FGGY: variants seen among roughly 807,000 people sequenced by gnomAD.
FGGY encodes the protein FGGY carbohydrate kinase domain-containing protein.
A neutral mutation model predicts 71.3 loss-of-function variants in FGGY; 72 were observed. That is an observed-to-expected ratio of 1.01 (90% CI 0.84 to 1.23). The LOEUF (loss-of-function observed/expected upper bound fraction) is 1.23. Among genes scored for constraint, FGGY ranks in the 50% most tolerant of loss-of-function variants. The probability of loss-of-function intolerance (pLI) is 0.00; values close to 1 mark genes in which losing one functional copy is unlikely to be tolerated. For synonymous variants in FGGY, 251 were observed against 250.3 expected, an observed-to-expected ratio of 1.00 and a Z score of -0.02; for missense variants, 668 against 682.3, an observed-to-expected ratio of 0.98 and a Z score of 0.23.
chr1:59,702,170 C>G (rs919450221), intron 14 of FGGY, among the ~76,000 whole-genome samples: 1 of 152,168 alleles, frequency 6.6e-6, no homozygotes, highest in African/African-American at 2.4e-5. Flanking sequence ...GAAACAGCCC[C>G]CATGATCCAA....
At chr1:59,509,579 T>A (rs1159493111) in intron 6 of FGGY, among the ~76,000 whole-genome samples, 1 of 152,124 alleles carries the variant, frequency 6.6e-6, no homozygotes, top group Non-Finnish European at 1.5e-5. Flanking sequence ...CACCCCAGCC[T>A]ATGTTCCAAT....
chr1:59,330,598 G>T (rs2048290844), intron 2 of FGGY, among the ~76,000 whole-genome samples: 1 of 151,566 alleles, frequency 6.6e-6, no homozygotes, highest in Non-Finnish European at 1.5e-5. Flanking sequence ...GAAAAGAAAT[G>T]GAGACCTCCC....
At chr1:59,470,348 C>T (rs898556820) in intron 6 of FGGY, among the ~76,000 whole-genome samples, 1 of 152,172 alleles carries the variant, frequency 6.6e-6, no homozygotes, top group Non-Finnish European at 1.5e-5. Context: ...TTGCATTTCT[C>T]TAATGATCAG....
At chr1:59,675,743 A>G (rs541717156) in intron 14 of FGGY, among the ~76,000 whole-genome samples, 3 of 152,192 alleles carry the variant, frequency 2.0e-5, no homozygotes, top group Non-Finnish European at 4.4e-5. Context: ...GCGGCAAATT[A>G]TAATAGTTAA....
At chr1:59,519,836 C>T (rs1382336355) in intron 7 of FGGY, among the ~76,000 whole-genome samples, 1 of 152,262 alleles carries the variant, frequency 6.6e-6, no homozygotes, top group Non-Finnish European at 1.5e-5. Context: ...AATCACATAA[C>T]TAATCTCATA....
In FGGY at chr1:59,614,647, A is replaced by C. The variant is rs183424402; in HGVS notation, c.1011+6737A>C. Among the ~76,000 whole-genome samples, 495 of 152,338 alleles carry C rather than the reference A, an allele frequency of 3.2e-3. 2 individuals are homozygous for C. Among genetic ancestry groups the C allele is most frequent in the Non-Finnish European group, 4.5e-3 (308 of 68,026 alleles). On this transcript the variant is annotated intron_variant, in intron 9 of 15. Transcript: ENST00000303721. ...CAACATAGTGTTGGAAGTTCTGGTCAGGGCAATCAGGCAGGAGAAGGAAAT... is the reference window on the plus strand; with the variant it reads ...CAACATAGTGTTGGAAGTTCTGGTCCGGGCAATCAGGCAGGAGAAGGAAAT...
chr1:59,317,881 A>G (rs780460420), intron 1 of FGGY, among the ~76,000 whole-genome samples: 3 of 152,230 alleles, frequency 2.0e-5, no homozygotes, highest in African/African-American at 4.8e-5. Context: ...GTAATAAGTT[A>G]TAGAAATCCA....
At chr1:59,620,289 C>G (rs1412589735) in intron 9 of FGGY, among the ~76,000 whole-genome samples, 1 of 151,964 alleles carries the variant, frequency 6.6e-6, no homozygotes, top group African/African-American at 2.4e-5. Flanking sequence ...TCAGTAAGTC[C>G]TAAGGGTTCC....
chr1:59,542,540 A>G lies in FGGY; in HGVS notation c.800-11584A>G, dbSNP rs1175782865. On this transcript the variant is annotated intron_variant, in intron 7 of 15. Coordinates refer to ENST00000303721, the MANE Select transcript of FGGY (RefSeq NM_018291.5). ...GATGGCACGATCTTGGCTCACTGCA[A>G]CCTCCGCCTCCCGGGTTCAAGCATT... is the stretch of plus-strand genomic sequence containing the variant. 4.6e-5 allele frequency among the ~76,000 whole-genome samples: 6 copies of G among 131,544 alleles called. No individual in the cohort carries two copies. In the Admixed American group the frequency reaches 4.6e-4, roughly 10 times the overall value. The allele number at this position is 131,544 out of a possible 152,430, so 86.3% of individuals were successfully genotyped here. A position where few individuals can be genotyped will look rare whatever the true frequency, so the allele number is the denominator to read the frequency against.
rs569423903 is a variant in FGGY, at chr1:59,342,216, A to C, written c.313+2147A>C. Among the ~76,000 whole-genome samples the C allele has an allele frequency of 5.3e-5, 8 of 152,208 alleles. 1 individual carries two copies. In the East Asian group the frequency reaches 1.5e-3, roughly 29 times the overall value. ...TACCCTCAGGATTTGTATTCACTTG[A>C]CTTGAGGTGGAGCTAGGGTGTCAAC... is the stretch of plus-strand genomic sequence containing the variant. On this transcript the variant is annotated intron_variant, in intron 3 of 15. Coordinates refer to ENST00000303721, the MANE Select transcript of FGGY (RefSeq NM_018291.5).
intron 5 of FGGY, among the ~76,000 whole-genome samples, chr1:59,455,021 T>A (rs1476451697): frequency 6.6e-6 from 1 of 152,254 alleles, no homozygotes; most frequent in African/African-American, 2.4e-5. Flanking sequence ...TTACCTACCA[T>A]GTAATGGACA....
At chr1:59,488,822 T>A (rs1234531823) in intron 6 of FGGY, among the ~76,000 whole-genome samples, 1 of 151,944 alleles carries the variant, frequency 6.6e-6, no homozygotes, top group Non-Finnish European at 1.5e-5. Context: ...CAGTAATGGA[T>A]TTACCAAGTC....
chr1:59,511,276 C>T (rs896446919), intron 6 of FGGY, among the ~76,000 whole-genome samples: 17 of 152,180 alleles, frequency 1.1e-4, no homozygotes, highest in African/African-American at 3.9e-4. Context: ...GGTCCTGGAG[C>T]ACCTCTGCCC....
At chr1:59,306,238 G>A (rs2043418764) in intron 1 of FGGY, among the ~76,000 whole-genome samples, 1 of 152,126 alleles carries the variant, frequency 6.6e-6, no homozygotes, top group East Asian at 1.9e-4. Flanking sequence ...ATATAAATAA[G>A]GGACTATCTA....
At chr1:59,373,948 A>G (rs574368035) in intron 4 of FGGY, among the ~76,000 whole-genome samples, 7 of 152,312 alleles carry the variant, frequency 4.6e-5, no homozygotes, top group African/African-American at 1.4e-4. Flanking sequence ...AACCATAAAA[A>G]CCCTAGAAGA....
At chr1:59,552,406 C>G (rs7523743) in intron 7 of FGGY, among the ~76,000 whole-genome samples, 1 of 152,208 alleles carries the variant, frequency 6.6e-6, no homozygotes, top group Non-Finnish European at 1.5e-5. Flanking sequence ...TTGGAAGAGT[C>G]TTACTTCCCC....
chr1:59,719,753 T>C (rs532349823), intron 14 of FGGY, among the ~76,000 whole-genome samples: 51 of 152,302 alleles, frequency 3.3e-4, no homozygotes, highest in Middle Eastern at 3.4e-3. Flanking sequence ...TCTAGGCATT[T>C]TAGGAACATT....
At chr1:59,332,682 A>G (rs1426984801) in intron 2 of FGGY, among the ~76,000 whole-genome samples, 1 of 152,132 alleles carries the variant, frequency 6.6e-6, no homozygotes, top group Non-Finnish European at 1.5e-5. Flanking sequence ...GAAGGCCATG[A>G]TTGTAATATT....
intron 14 of FGGY, among the ~76,000 whole-genome samples, chr1:59,709,667 G>T (rs140731374): frequency 3.2e-4 from 49 of 152,316 alleles, no homozygotes; most frequent in African/African-American, 1.2e-3. Context: ...GCACCTATCA[G>T]TTAGGTCAGT....
Sources: allele counts gnomAD v4.1 joint callset (sites outside exome capture counted in the v4.1 genomes callset), GRCh38; gene constraint gnomAD v4.1.1; transcripts MANE v1.5; gene names NCBI Gene and HGNC (gene_info 2026-07-23, HGNC 2026-07-21).